Variants in HMCN1 observed in about 807,000 individuals in gnomAD.
HMCN1 encodes hemicentin-1.
Under a neutral mutation model 625.9 loss-of-function variants are expected in HMCN1, and 321 were observed. The observed-to-expected ratio is 0.51, with a 90% confidence interval of 0.47 to 0.56. The LOEUF (loss-of-function observed/expected upper bound fraction) is 0.56. Among genes scored for constraint, HMCN1 ranks in the 20% least tolerant of loss-of-function variants. The probability of loss-of-function intolerance (pLI) is 0.00; values close to 1 mark genes in which losing one functional copy is unlikely to be tolerated. For synonymous variants in HMCN1, 2,425 were observed against 2,417.6 expected (o/e 1.00, Z -0.09); for missense variants, 6,588 against 6,887.3 (o/e 0.96, Z 1.54).
intron 1 of HMCN1, among the ~76,000 whole-genome samples, chr1:185,835,443 G>T (rs1489890387): frequency 6.6e-6 from 1 of 151,870 alleles, no homozygotes; most frequent in Admixed American, 6.6e-5. Flanking sequence ...AGGGGAGGGG[G>T]TGGGATGGCT....
At chr1:185,920,336 C>G (rs1666941554) in intron 6 of HMCN1, among the ~76,000 whole-genome samples, 4 of 152,088 alleles carry the variant, frequency 2.6e-5, no homozygotes, top group Admixed American at 2.0e-4. Flanking sequence ...TAAAAATGGA[C>G]TCACTTGAAG....
chr1:185,872,802 TG>T (rs1663701310), intron 4 of HMCN1, among the ~76,000 whole-genome samples: 1 of 152,154 alleles, frequency 6.6e-6, no homozygotes, highest in Non-Finnish European at 1.5e-5. Context: ...CAATAGATTC[TG>T]TAATGTGCAG....
At chr1:186,155,324 G>A (rs11808677) in intron 97 of HMCN1, among the ~76,000 whole-genome samples, 4 of 151,836 alleles carry the variant, frequency 2.6e-5, no homozygotes, top group Non-Finnish European at 5.9e-5. Context: ...TCTCCTCCAC[G>A]CACACCATTG....
In HMCN1 at chr1:186,178,773, G is replaced by A; in HGVS notation, c.16294+7G>A. 1 of 1,561,494 alleles carries A rather than the reference G, an allele frequency of 6.4e-7. No homozygotes were observed. Among genetic ancestry groups the A allele is most frequent in the Non-Finnish European group, 8.8e-7 (1 of 1,132,130 alleles). Reference sequence around the variant, plus strand: ...AGCCATGACACATGTGTAGGTAAATGTCAGCCATATTACATTTCCTTTCTG... The same window carrying A: ...AGCCATGACACATGTGTAGGTAAATATCAGCCATATTACATTTCCTTTCTG... On this transcript the variant is annotated splice_region_variant and intron_variant, in intron 104 of 106. Transcript: ENST00000271588.
intron 24 of HMCN1, among the ~76,000 whole-genome samples, chr1:185,996,747 G>T (rs1184185802): frequency 1.3e-5 from 2 of 151,920 alleles, no homozygotes; most frequent in African/African-American, 2.4e-5. Flanking sequence ...GAGAGTGAAG[G>T]AGATAGAGTT....
chr1:185,931,899 G>A (rs1231236207), intron 10 of HMCN1, among the ~76,000 whole-genome samples: 1 of 152,102 alleles, frequency 6.6e-6, no homozygotes, highest in Non-Finnish European at 1.5e-5. Context: ...TCACTAAATT[G>A]GCTTATCTAA....
chr1:186,180,175 C>T (rs1652851294), intron 104 of HMCN1, among the ~76,000 whole-genome samples: 1 of 152,186 alleles, frequency 6.6e-6, no homozygotes, highest in South Asian at 2.1e-4. Context: ...ACAACACTGT[C>T]AATCTGCTAC....
At chr1:185,991,189 A>T (rs1652399379) in intron 22 of HMCN1, among the ~76,000 whole-genome samples, 1 of 152,244 alleles carries the variant, frequency 6.6e-6, no homozygotes, top group South Asian at 2.1e-4. Flanking sequence ...TAGTCACTAG[A>T]CTATAATTAA....
intron 18 of HMCN1, among the ~76,000 whole-genome samples, chr1:185,983,464 G>T (rs777407633): frequency 2.0e-5 from 3 of 152,060 alleles, no homozygotes; most frequent in Non-Finnish European, 2.9e-5. Flanking sequence ...AAAGTGAATT[G>T]ACTCCATCTA....
intron 1 of HMCN1, among the ~76,000 whole-genome samples, chr1:185,790,476 G>A (rs1393240629): frequency 6.6e-6 from 1 of 152,166 alleles, no homozygotes; most frequent in Non-Finnish European, 1.5e-5. Context: ...GGGCTTTGAG[G>A]TCAGACAGAT....
intron 1 of HMCN1, among the ~76,000 whole-genome samples, chr1:185,760,238 G>C (rs1223771326): frequency 2.6e-5 from 4 of 152,200 alleles, no homozygotes; most frequent in Non-Finnish European, 5.9e-5. Context: ...GAAGGTGTAA[G>C]AATTGAGTGG....
At chr1:186,108,960 G>A (rs548743648) in intron 71 of HMCN1, among the ~76,000 whole-genome samples, 1 of 152,260 alleles carries the variant, frequency 6.6e-6, no homozygotes, top group African/African-American at 2.4e-5. Flanking sequence ...ACGTCTCTAG[G>A]GAGAATGCTT....
intron 30 of HMCN1, among the ~76,000 whole-genome samples, chr1:186,013,262 C>T (rs904007026): frequency 6.6e-6 from 1 of 152,144 alleles, no homozygotes; most frequent in African/African-American, 2.4e-5. Context: ...ATAATTTTTA[C>T]ATGTCACAAA....
chr1:185,758,513 G>A (rs951245264), intron 1 of HMCN1, among the ~76,000 whole-genome samples: 4 of 152,140 alleles, frequency 2.6e-5, no homozygotes, highest in Non-Finnish European at 5.9e-5. Context: ...GCACATGCCT[G>A]TAGTCCCAGC....
Position 186,178,629 on chromosome 1 carries a change from A to G in HMCN1, c.16157A>G (p.Gln5386Arg), listed in dbSNP as rs1419303088. 6.2e-6 allele frequency: 10 copies of G among 1,614,032 alleles called. No homozygotes were observed. Among genetic ancestry groups the G allele is most frequent in the Non-Finnish European group, 8.5e-6 (10 of 1,179,982 alleles). ...GTGAGAAACAACTATCAACCTCAAC[A>G]GCATTACAGACAGTACTCACATCTC... is the stretch of plus-strand genomic sequence containing the variant. ...SPVRNNYQPQ[Q>R]HYRQYSHLYS... is the part of the protein sequence containing the mutation. The change falls in exon 104 of 107, where the codon CAG (glutamine) becomes CGG (arginine). Residue 5386 changes from glutamine (Q) to arginine (R), a missense_variant. Gln to Arg is a conservative substitution (Grantham distance 43). Around this residue, in one of 3 missense-constraint regions of HMCN1, gnomAD observed 1,954 missense variants for 2,013.1 expected, o/e 0.97. Coordinates refer to ENST00000271588, the MANE Select transcript of HMCN1 (RefSeq NM_031935.3).
chr1:186,027,389 T>A (rs537590991), intron 36 of HMCN1, among the ~76,000 whole-genome samples: 2 of 152,222 alleles, frequency 1.3e-5, no homozygotes, highest in South Asian at 4.1e-4. Context: ...TTATTTGGAG[T>A]CTAATAGCCC....
chr1:186,171,978 T>C (rs886324753), intron 101 of HMCN1, 28 bp from the exon 102 acceptor site: 1 of 1,607,426 alleles, frequency 6.2e-7, no homozygotes, highest in African/African-American at 1.3e-5. Flanking sequence ...ATTTTCTTAA[T>C]CTACATTACC....
At chr1:186,084,653 G>A (rs1246623416) in intron 57 of HMCN1, among the ~76,000 whole-genome samples, 1 of 151,920 alleles carries the variant, frequency 6.6e-6, no homozygotes, top group Non-Finnish European at 1.5e-5. Flanking sequence ...TTGTGGAACA[G>A]CATTTCAGTC....
At chr1:185,993,972 C>T (rs537646116) in intron 23 of HMCN1, among the ~76,000 whole-genome samples, 6 of 152,224 alleles carry the variant, frequency 3.9e-5, no homozygotes, top group South Asian at 4.1e-4. Flanking sequence ...AGAGTTCTGT[C>T]ATTTACTAGC....
Sources: gnomAD v4.1 joint callset for allele counts (sites outside exome capture counted in the v4.1 genomes callset) on GRCh38, gnomAD v4.1.1 for gene constraint, gnomAD v4.1.1 regional missense constraint, MANE v1.5 for transcripts, NCBI Gene and HGNC (gene_info 2026-07-23, HGNC 2026-07-21) for gene names.